Variants in SDCCAG8 observed in about 807,000 individuals in gnomAD.
SDCCAG8 encodes serologically defined colon cancer antigen 8.
In SDCCAG8, 74 loss-of-function variants were observed where a neutral mutation model predicts 101.8. That is an observed-to-expected ratio of 0.73 (90% CI 0.60 to 0.88). The LOEUF (loss-of-function observed/expected upper bound fraction) is 0.88, where lower values mean the gene tolerates loss of function less well. Among genes scored for constraint, SDCCAG8 ranks in the 40% least tolerant of loss-of-function variants. SDCCAG8 has a pLI of 0.00. For missense variants in SDCCAG8, 787 were observed against 822.6 expected, an observed-to-expected ratio of 0.96 and a Z score of 0.53; for synonymous variants, 281 against 292.9, an observed-to-expected ratio of 0.96 and a Z score of 0.41.
chr1:243,257,209 TAA>T (rs2066820850), intron 1 of SDCCAG8, among the ~76,000 whole-genome samples: 2 of 152,364 alleles, frequency 1.3e-5, no homozygotes, highest in African/African-American at 4.8e-5. Context: ...ATATAAACTA[TAA>T]GTTTCACTGA....
At chr1:243,498,980 T>C (rs1368692658) in intron 17 of SDCCAG8, among the ~76,000 whole-genome samples, 1 of 152,252 alleles carries the variant, frequency 6.6e-6, no homozygotes, top group Non-Finnish European at 1.5e-5. Flanking sequence ...CCCAGTCACC[T>C]TCCCACACAG....
intron 16 of SDCCAG8, among the ~76,000 whole-genome samples, chr1:243,432,352 G>A (rs2081839833): frequency 6.6e-6 from 1 of 152,114 alleles, no homozygotes; most frequent in Non-Finnish European, 1.5e-5. Flanking sequence ...TACTTAGAGG[G>A]GAACAGAAGA....
intron 17 of SDCCAG8, among the ~76,000 whole-genome samples, chr1:243,492,615 T>TG (rs1253310795): frequency 2.8e-5 from 4 of 144,534 alleles, no homozygotes; most frequent in African/African-American, 1.0e-4. Flanking sequence ...TTTTTTTTTT[T>TG]TTTTTTTTTT....
intron 12 of SDCCAG8, among the ~76,000 whole-genome samples, chr1:243,354,262 C>A (rs1340701763): frequency 6.6e-6 from 1 of 152,168 alleles, no homozygotes; most frequent in Non-Finnish European, 1.5e-5. Flanking sequence ...ATTAAATATT[C>A]ATAAAATCAA....
chr1:243,494,447 T>C (rs1558551934), intron 17 of SDCCAG8, among the ~76,000 whole-genome samples: 1 of 152,216 alleles, frequency 6.6e-6, no homozygotes, highest in Non-Finnish European at 1.5e-5. Flanking sequence ...TGCCTGAGTG[T>C]TTTTAAAAAA....
chr1:243,256,239 G>T lies in SDCCAG8; in HGVS notation c.66G>T (p.Arg22=), dbSNP rs764668676. 1.3e-5 allele frequency: 21 copies of T among 1,613,990 alleles called. No individual in the cohort carries two copies. The highest frequency in any genetic ancestry group is 4.0e-5 in the African/African-American group (3 of 74,948). The change falls in exon 1 of 18, where the codon CGG becomes CGT. Residue 22 remains arginine, a splice_region_variant and synonymous_variant. Coordinates refer to ENST00000366541, the MANE Select transcript of SDCCAG8 (RefSeq NM_006642.5). ...TGGGGCAGTATCAACGGAGTCTCCG[G>T]GGTGAGTTGCTCCAAACCTCTGTCC... is the stretch of plus-strand genomic sequence containing the variant. ...EILGQYQRSL[R]EHASRSIHQL... is the part of the protein sequence containing the mutation.
intron 13 of SDCCAG8, among the ~76,000 whole-genome samples, chr1:243,380,893 A>G (rs573983562): frequency 5.3e-5 from 8 of 152,116 alleles, no homozygotes; most frequent in Non-Finnish European, 1.0e-4. Flanking sequence ...TTGCACTGAC[A>G]ATGTGATTTG....
intron 16 of SDCCAG8, among the ~76,000 whole-genome samples, chr1:243,459,716 C>T (rs1445388758): frequency 6.6e-6 from 1 of 152,140 alleles, no homozygotes; most frequent in Non-Finnish European, 1.5e-5. Flanking sequence ...AAGTGATCCT[C>T]CCACGTCAGC....
At chr1:243,283,283 C>T (rs2069237949) in intron 4 of SDCCAG8, among the ~76,000 whole-genome samples, 2 of 151,666 alleles carry the variant, frequency 1.3e-5, no homozygotes, top group South Asian at 4.2e-4. Context: ...GCTTGGTGTT[C>T]GGTGAGCTTC....
chr1:243,304,735 A>T lies in SDCCAG8; in HGVS notation c.698A>T (p.Glu233Val). The T allele has an allele frequency of 1.3e-6, 2 of 1,592,916 alleles. No homozygotes were observed. The highest frequency in any genetic ancestry group is 1.7e-6 in the Non-Finnish European group (2 of 1,160,904). The change falls in exon 7 of 18, where the codon GAG (glutamate) becomes GTG (valine). Residue 233 changes from glutamate to valine, a missense_variant. By Grantham distance (121) the Glu-to-Val change is moderately radical. Coordinates refer to ENST00000366541, the MANE Select transcript of SDCCAG8 (RefSeq NM_006642.5). ...LELEKLKLTY[E>V]EKCEIEESQL... Reference sequence around the variant, plus strand: ...TAGGAGAAGCTAAAACTTACTTATGAGGAAAAGTGTGAAATTGAGGAATCC... The same window carrying T: ...TAGGAGAAGCTAAAACTTACTTATGTGGAAAAGTGTGAAATTGAGGAATCC...
chr1:243,388,027 T>C (rs905189539), intron 13 of SDCCAG8, among the ~76,000 whole-genome samples: 8 of 152,268 alleles, frequency 5.3e-5, no homozygotes, highest in African/African-American at 1.9e-4. Context: ...CTAGTACAGA[T>C]ATTTTCTTGA....
At chr1:243,264,822 G>A (rs1439125528) in intron 1 of SDCCAG8, among the ~76,000 whole-genome samples, 1 of 152,206 alleles carries the variant, frequency 6.6e-6, no homozygotes, top group Admixed American at 6.5e-5. Context: ...TTTATAGTCA[G>A]TTCCTGGTTG....
At chr1:243,314,694 T>G (rs1397139861) in intron 8 of SDCCAG8, among the ~76,000 whole-genome samples, 1 of 152,224 alleles carries the variant, frequency 6.6e-6, no homozygotes. Flanking sequence ...TTTGCATACT[T>G]ATAAACACTG....
intron 7 of SDCCAG8, 170 bp downstream of exon 7, chr1:243,304,947 G>C (rs1304483182): frequency 3.4e-6 from 2 of 585,156 alleles, no homozygotes; most frequent in Admixed American, 3.3e-5. Context: ...GCCTAAAATT[G>C]AGTTCTTTTC....
chr1:243,471,011 G>A (rs1030720289), intron 16 of SDCCAG8, among the ~76,000 whole-genome samples: 1 of 152,020 alleles, frequency 6.6e-6, no homozygotes, highest in South Asian at 2.1e-4. Context: ...ATCTGTATAG[G>A]CAGAGGTACA....
intron 16 of SDCCAG8, among the ~76,000 whole-genome samples, chr1:243,436,062 C>T (rs2082108620): frequency 6.6e-6 from 1 of 152,006 alleles, no homozygotes; most frequent in African/African-American, 2.4e-5. Flanking sequence ...CCATAGTTTA[C>T]ATTAGGGTTC....
intron 12 of SDCCAG8, among the ~76,000 whole-genome samples, chr1:243,375,042 C>T (rs532633398): frequency 6.6e-6 from 1 of 152,166 alleles, no homozygotes; most frequent in East Asian, 1.9e-4. Context: ...CTTGTCTCAG[C>T]AGTGAGCAAA....
chr1:243,393,480 A>G (rs1266048538), intron 13 of SDCCAG8, among the ~76,000 whole-genome samples: 1 of 151,124 alleles, frequency 6.6e-6, no homozygotes, highest in Non-Finnish European at 1.5e-5. Context: ...TTTCCCATCT[A>G]CAGAAGAACT....
intron 13 of SDCCAG8, among the ~76,000 whole-genome samples, chr1:243,392,014 C>T (rs2078733559): frequency 1.3e-5 from 2 of 152,110 alleles, no homozygotes; most frequent in African/African-American, 2.4e-5. Context: ...TGACAGTCGT[C>T]CTAGTTCTAT....
Sources: allele counts gnomAD v4.1 joint callset (sites outside exome capture counted in the v4.1 genomes callset), GRCh38; gene constraint gnomAD v4.1.1; transcripts MANE v1.5; gene names NCBI Gene and HGNC (gene_info 2026-07-23, HGNC 2026-07-21).